The following PCDHGA6 variants were observed in gnomAD, a reference collection of about 807,000 sequenced individuals.
The protein encoded by PCDHGA6 is protocadherin gamma-A6.
In PCDHGA6, 41 loss-of-function variants were observed where a neutral mutation model predicts 60.6. The ratio of observed to expected loss-of-function variants is 0.68; its 90% CI spans 0.53 to 0.88. PCDHGA6 has a LOEUF of 0.88. PCDHGA6 is among the 40% of genes least tolerant of loss of function. The pLI is 0.00. For missense variants in PCDHGA6, 1,312 were observed against 1,203.0 expected, an observed-to-expected ratio of 1.09 and a Z score of -1.34; for synonymous variants, 594 against 524.4, an observed-to-expected ratio of 1.13 and a Z score of -1.81.
chr5:141,459,529 G>A (rs1201996126), intron 1 of PCDHGA6, among the ~76,000 whole-genome samples: 2 of 152,134 alleles, frequency 1.3e-5, no homozygotes, highest in African/African-American at 2.4e-5. Context: ...ATTTTTGTAG[G>A]CATATTTTTT....
At chr5:141,446,508 G>A (rs932199756) in intron 1 of PCDHGA6, among the ~76,000 whole-genome samples, 4 of 151,356 alleles carry the variant, frequency 2.6e-5, no homozygotes, top group Non-Finnish European at 5.9e-5. Flanking sequence ...ATGGAGTCTC[G>A]CTCTGTCACC....
At chr5:141,390,830 G>A in intron 1 of PCDHGA6, 1 of 164,036 alleles carries the variant, frequency 6.1e-6, no homozygotes, top group Non-Finnish European at 1.3e-5. Flanking sequence ...TATGTCCATG[G>A]ACCCCTTGTG....
intron 1 of PCDHGA6, chr5:141,418,282 A>G (rs1209026046): frequency 6.2e-7 from 1 of 1,614,030 alleles, no homozygotes; most frequent in Admixed American, 1.7e-5. Flanking sequence ...TAAACTTAGA[A>G]ATCAGTGAAT....
At chr5:141,382,883 A>G in intron 1 of PCDHGA6, 5 of 1,528,792 alleles carry the variant, frequency 3.3e-6, no homozygotes, top group Non-Finnish European at 4.4e-6. Context: ...CGCCTAAGCA[A>G]GAGAAGCAGG....
intron 1 of PCDHGA6, chr5:141,389,633 C>T: frequency 1.2e-6 from 2 of 1,613,016 alleles, no homozygotes; most frequent in Non-Finnish European, 1.7e-6. Flanking sequence ...CAGAGCCTGG[C>T]TACTTGGTGA....
At chr5:141,506,700 G>A (rs780282969) in intron 3 of PCDHGA6, among the ~76,000 whole-genome samples, 3 of 152,138 alleles carry the variant, frequency 2.0e-5, no homozygotes, top group Non-Finnish European at 2.9e-5. Flanking sequence ...ACCCAAACCC[G>A]TTTTTTACTG....
At chr5:141,395,525 G>T in intron 1 of PCDHGA6, 1 of 384,022 alleles carries the variant, frequency 2.6e-6, no homozygotes, top group Non-Finnish European at 4.6e-6. Context: ...CGTCCATACT[G>T]GTAATTTTGC....
chr5:141,397,092 G>A (rs1422724446), intron 1 of PCDHGA6, among the ~76,000 whole-genome samples: 3 of 152,136 alleles, frequency 2.0e-5, no homozygotes, highest in South Asian at 2.1e-4. Flanking sequence ...ATTTCAGATA[G>A]GATAATAATG....
intron 1 of PCDHGA6, chr5:141,422,608 T>A: frequency 5.0e-6 from 8 of 1,613,956 alleles, no homozygotes; most frequent in Non-Finnish European, 5.1e-6. Context: ...TTACTCTGCC[T>A]ACATTCCCGA....
chr5:141,428,459 A>G (rs1322945046), intron 1 of PCDHGA6: 2 of 350,154 alleles, frequency 5.7e-6, no homozygotes, highest in Non-Finnish European at 1.1e-5. Flanking sequence ...CCCAACTACA[A>G]TGAGGGAACT....
At chr5:141,471,506 G>A (rs2099258630) in intron 1 of PCDHGA6, 1 of 152,214 alleles carries the variant, frequency 6.6e-6, no homozygotes, top group South Asian at 2.1e-4. Flanking sequence ...GCAAGAGAGG[G>A]AGTAAAAATA....
intron 1 of PCDHGA6, chr5:141,422,736 C>T (rs1408210168): frequency 9.9e-6 from 16 of 1,608,328 alleles, no homozygotes; most frequent in Non-Finnish European, 1.2e-5. Context: ...TGCCTCTGTC[C>T]TCCTATGTCT....
At position 141,489,870 on chromosome 5, in the gene PCDHGA6, G is replaced by T; in HGVS notation, c.2425-4937G>T. On this transcript the variant is annotated intron_variant, in intron 1 of 3. Transcript: ENST00000517434. The surrounding 1 kb of genome is among the most constrained non-coding windows in gnomAD (Gnocchi z 4.5). ...GTGAAGCCCAGGCAAGACATCAGCT[G>T]GTGCTTACTGCTGTGGATGGGGGGA... 1.2e-6 allele frequency: 2 copies of T among 1,614,220 alleles called. No individual in the cohort carries two copies. The highest frequency in any genetic ancestry group is 1.7e-6 in the Non-Finnish European group (2 of 1,180,024).
intron 1 of PCDHGA6, chr5:141,424,694 T>C (rs2096834568): frequency 6.6e-6 from 1 of 152,252 alleles, no homozygotes; most frequent in East Asian, 1.9e-4. Flanking sequence ...TCTGGCTATT[T>C]TTTTGTTCAT....
chr5:141,449,424 T>C (rs2098638345), intron 1 of PCDHGA6, among the ~76,000 whole-genome samples: 1 of 151,674 alleles, frequency 6.6e-6, no homozygotes, highest in Admixed American at 6.6e-5. Context: ...CTGGCCAACA[T>C]GATAAAACTC....
chr5:141,421,863 C>T (rs767555107), intron 1 of PCDHGA6: 1 of 1,613,746 alleles, frequency 6.2e-7, no homozygotes, highest in Non-Finnish European at 8.5e-7. Flanking sequence ...ACCTGCTCCT[C>T]CTCACAGCTT....
chr5:141,410,561 G>T (rs201832666), intron 1 of PCDHGA6: 171 of 1,612,580 alleles, frequency 1.1e-4, no homozygotes, highest in Admixed American at 2.7e-4. Context: ...TTCTCCTGGA[G>T]CCTTAATTCC....
chr5:141,441,162 G>A (rs1009205566), intron 1 of PCDHGA6: 48 of 152,166 alleles, frequency 3.2e-4, no homozygotes, highest in Admixed American at 1.5e-3. Flanking sequence ...TCCTAGAGGC[G>A]ATTTTTACTT....
chr5:141,508,507 TGGTCCAGCCCAACCTCAG>T (rs1377043623), intron 3 of PCDHGA6, among the ~76,000 whole-genome samples: 1 of 152,178 alleles, frequency 6.6e-6, no homozygotes, highest in Non-Finnish European at 1.5e-5. Flanking sequence ...CTCTCCCTCC[TGGTCCAGCCCAACCTCAG>T]GGCACCCCCC....
Sources: allele counts gnomAD v4.1 joint callset (sites outside exome capture counted in the v4.1 genomes callset), GRCh38; gene constraint gnomAD v4.1.1; non-coding constraint Gnocchi (gnomAD v3.1); transcripts MANE v1.5; gene names NCBI Gene and HGNC (gene_info 2026-07-23, HGNC 2026-07-21).